Variants in PTTG1IP observed in about 807,000 individuals in gnomAD.
PTTG1IP encodes the protein PTTG1 interacting protein.
PTTG1IP carries 16 observed loss-of-function variants against 24.4 expected under a neutral mutation model. The ratio of observed to expected loss-of-function variants is 0.66; its 90% CI spans 0.44 to 1.00. The LOEUF (loss-of-function observed/expected upper bound fraction) is 1.00, where lower values mean the gene tolerates loss of function less well. PTTG1IP is among the 50% of genes least tolerant of loss of function. The pLI is 0.00. For synonymous variants in PTTG1IP, 89 were observed against 96.8 expected, an observed-to-expected ratio of 0.92 and a Z score of 0.47; for missense variants, 241 against 245.8, an observed-to-expected ratio of 0.98 and a Z score of 0.13.
At chr21:44,857,712 C>T (rs531335873) in intron 3 of PTTG1IP, among the ~76,000 whole-genome samples, 1 of 152,342 alleles carries the variant, frequency 6.6e-6, no homozygotes, top group African/African-American at 2.4e-5. Context: ...CTCCCGCAGC[C>T]TCACCCCTCT....
In PTTG1IP at chr21:44,873,646, A is replaced by T; in HGVS notation, c.-30T>A. 7.3e-7 allele frequency: 1 copy of T among 1,373,058 alleles called. No homozygotes were observed. Among genetic ancestry groups the T allele is most frequent in the Non-Finnish European group, 9.4e-7 (1 of 1,062,220 alleles). 85.1% of individuals were successfully genotyped at this position (1,373,058 alleles called of 1,614,324 possible). ...GGCCGGTCGCTCTATCAGTCAGTGG[A>T]GCGTTACAACTCCGACTCCAGCACA... On this transcript the variant is annotated 5_prime_UTR_variant, in exon 1 of 6. Coordinates refer to ENST00000330938, the MANE Select transcript of PTTG1IP (RefSeq NM_004339.4).
In PTTG1IP at chr21:44,849,727, A is replaced by G. The variant is rs1255380057; in HGVS notation, c.*1854T>C. 6.6e-6 allele frequency: 1 copy of G among 152,488 alleles called. No individual in the cohort carries two copies. Among genetic ancestry groups the G allele is most frequent in the African/African-American group, 2.4e-5 (1 of 41,444 alleles). 9.4% of individuals were successfully genotyped at this position (152,488 alleles called of 1,614,324 possible). A position where few individuals can be genotyped will look rare whatever the true frequency, so the allele number is the denominator to read the frequency against. ...GAAAAAAGCAGATGGACGAAGACCG[A>G]CCTTACAGACGTGGGTTTCTACACT... is the stretch of plus-strand genomic sequence containing the variant. On this transcript the variant is annotated 3_prime_UTR_variant, in exon 6 of 6. Coordinates refer to ENST00000330938, the MANE Select transcript of PTTG1IP (RefSeq NM_004339.4).
intron 3 of PTTG1IP, among the ~76,000 whole-genome samples, chr21:44,860,526 G>T: frequency 6.6e-6 from 1 of 152,118 alleles, no homozygotes; most frequent in Middle Eastern, 3.2e-3. Flanking sequence ...AGATTCTAGG[G>T]GAATTCACAG....
chr21:44,873,486 G>C lies in PTTG1IP; in HGVS notation c.115+16C>G. On this transcript the variant is annotated intron_variant, in intron 1 of 5. Transcript: ENST00000330938. ...CCCCGCCCCCTTCGCGGCCCCGCCC[G>C]CCCCGGCGCCCTCACCAGCTCCGGG... is the stretch of plus-strand genomic sequence containing the variant. 7.3e-7 allele frequency: 1 copy of C among 1,376,006 alleles called. No homozygotes were observed. Among genetic ancestry groups the C allele is most frequent in the Non-Finnish European group, 9.3e-7 (1 of 1,070,652 alleles). The allele number at this position is 1,376,006 out of a possible 1,614,324, so 85.2% of individuals were successfully genotyped here. A position where few individuals can be genotyped will look rare whatever the true frequency, so the allele number is the denominator to read the frequency against.
At chr21:44,865,773 G>A (rs971106991) in intron 1 of PTTG1IP, 24 of 436,570 alleles carry the variant, frequency 5.5e-5, no homozygotes, top group Non-Finnish European at 1.0e-4. Flanking sequence ...AGTGTGCCCT[G>A]TGGCTGTGTA....
chr21:44,861,163 C>T lies in PTTG1IP; in HGVS notation c.277G>A (p.Val93Met), dbSNP rs1176303433. ...GCAGCAAATGAAAACAATGACTTAC[C>T]CCAACAAACTCCCCAGCGTGCAGAG... is the stretch of plus-strand genomic sequence containing the variant. The part of the protein sequence containing the change: ...LSSARWGVCW[V>M]NFEALIITMS... Residue 93 changes from valine to methionine, a missense_variant and splice_region_variant, in exon 3 of 6, where the codon GTG (valine) becomes ATG (methionine). By Grantham distance (21) the Val-to-Met change is conservative. Coordinates refer to ENST00000330938, the MANE Select transcript of PTTG1IP (RefSeq NM_004339.4). 1 of 1,609,936 alleles carries T rather than the reference C, an allele frequency of 6.2e-7. No homozygotes were observed. The highest frequency in any genetic ancestry group is 1.3e-5 in the African/African-American group (1 of 74,768).
At chr21:44,859,651 G>A (rs2083475724) in intron 3 of PTTG1IP, among the ~76,000 whole-genome samples, 1 of 152,130 alleles carries the variant, frequency 6.6e-6, no homozygotes, top group African/African-American at 2.4e-5. Flanking sequence ...ATTAAGAGAA[G>A]TTCCATGGAA....
chr21:44,859,360 G>A (rs931904170), intron 3 of PTTG1IP, among the ~76,000 whole-genome samples: 5 of 151,962 alleles, frequency 3.3e-5, no homozygotes, highest in Non-Finnish European at 5.9e-5. Flanking sequence ...ACCTGTATAC[G>A]TATGCAAAAA....
chr21:44,861,558 C>A (rs2083491849), intron 2 of PTTG1IP, among the ~76,000 whole-genome samples: 2 of 152,182 alleles, frequency 1.3e-5, no homozygotes, highest in South Asian at 4.1e-4. Context: ...TCTGTGTTGG[C>A]AGCCTCCTGA....
Position 44,850,996 on chromosome 21 carries a change from T to C in PTTG1IP, c.*585A>G, listed in dbSNP as rs1321987371. The C allele has an allele frequency of 5.6e-6, 1 of 178,138 alleles. No homozygotes were observed. Among genetic ancestry groups the C allele is most frequent in the Non-Finnish European group, 1.2e-5 (1 of 85,880 alleles). 11.0% of individuals were successfully genotyped at this position (178,138 alleles called of 1,614,324 possible). ...AAAAGGTTTAGCTATTCCCCAATGC[T>C]ATTTAATACAATTGAGGTTAGGACG... On this transcript the variant is annotated 3_prime_UTR_variant, in exon 6 of 6. Transcript: ENST00000330938.
intron 3 of PTTG1IP, 66 bp downstream of exon 3, chr21:44,861,097 C>G (rs118037524): frequency 1.4e-6 from 2 of 1,428,260 alleles, no homozygotes; most frequent in Admixed American, 1.8e-5. Flanking sequence ...CCACCGCGCC[C>G]GGCCCATACT....
chr21:44,851,199 G>A lies in PTTG1IP; in HGVS notation c.*382C>T. 1 of 847,878 alleles carries A rather than the reference G, an allele frequency of 1.2e-6. No homozygotes were observed. The highest frequency in any genetic ancestry group is 1.8e-6 in the Non-Finnish European group (1 of 570,176). The allele number at this position is 847,878 out of a possible 1,614,324, so 52.5% of individuals were successfully genotyped here. On this transcript the variant is annotated 3_prime_UTR_variant, in exon 6 of 6. Coordinates refer to ENST00000330938, the MANE Select transcript of PTTG1IP (RefSeq NM_004339.4). ...TCAAACCGACTTCCCTGTGTTGCGTGTGAAGCTTGTTAGTGGACAGAGAGA... is the reference window on the plus strand; with the variant it reads ...TCAAACCGACTTCCCTGTGTTGCGTATGAAGCTTGTTAGTGGACAGAGAGA...
intron 2 of PTTG1IP, chr21:44,861,660 G>T: frequency 1.4e-6 from 1 of 711,276 alleles, no homozygotes; most frequent in South Asian, 1.5e-5. Context: ...GCTCCCCACT[G>T]ACTGGATGGG....
rs1446375315 is a variant in PTTG1IP at position 44,850,192 on chromosome 21, G to C, written c.*1389C>G. 1 of 152,230 alleles carries C rather than the reference G, an allele frequency of 6.6e-6. No individual in the cohort carries two copies. Among genetic ancestry groups the C allele is most frequent in the Non-Finnish European group, 1.5e-5 (1 of 68,046 alleles). 9.4% of individuals were successfully genotyped at this position (152,230 alleles called of 1,614,324 possible). A position where few individuals can be genotyped will look rare whatever the true frequency, so the allele number is the denominator to read the frequency against. On this transcript the variant is annotated 3_prime_UTR_variant, in exon 6 of 6. Transcript: ENST00000330938. ...TCTTCTCAGTTTTCATGACTGTGAA[G>C]TGTGAAAATGGAACGCATCCTTGAT...
At chr21:44,867,290 A>C (rs2083549691) in intron 1 of PTTG1IP, among the ~76,000 whole-genome samples, 1 of 152,232 alleles carries the variant, frequency 6.6e-6, no homozygotes, top group Non-Finnish European at 1.5e-5. Context: ...TCTATGTAAA[A>C]CATGGATGAG....
At chr21:44,866,551 C>A (rs1266384778) in intron 1 of PTTG1IP, among the ~76,000 whole-genome samples, 1 of 135,984 alleles carries the variant, frequency 7.4e-6, no homozygotes, top group Admixed American at 7.5e-5. Context: ...TCCCCCAATC[C>A]CGTAACACAC....
rs1428953245 is a variant in PTTG1IP, at chr21:44,850,153, C to CA, written c.*1427dup. 6.6e-6 allele frequency: 1 copy of CA among 152,224 alleles called. No homozygotes were observed. The highest frequency in any genetic ancestry group is 1.5e-5 in the Non-Finnish European group (1 of 68,044). The allele number at this position is 152,224 out of a possible 1,614,324, so 9.4% of individuals were successfully genotyped here. On this transcript the variant is annotated 3_prime_UTR_variant, in exon 6 of 6. Coordinates refer to ENST00000330938, the MANE Select transcript of PTTG1IP (RefSeq NM_004339.4). The stretch of plus-strand genomic sequence containing the variant: ...AGTGATCTGCCTGTGAACTTTAGTT[C>CA]ACGCTGAAGACAGTCTTCTCAGTTT...
In PTTG1IP at chr21:44,849,771, C is replaced by T. The variant is rs894991259; in HGVS notation, c.*1810G>A. 1.3e-5 allele frequency: 2 copies of T among 152,374 alleles called. No homozygotes were observed. The highest frequency in any genetic ancestry group is 6.5e-5 in the Admixed American group (1 of 15,282). The allele number at this position is 152,374 out of a possible 1,614,324, so 9.4% of individuals were successfully genotyped here. Reference sequence around the variant, plus strand: ...CTACACTGAGCGCAAGGGCTGACTACGCTGTATTTCACAACCGAGCCCTAG... The same window carrying T: ...CTACACTGAGCGCAAGGGCTGACTATGCTGTATTTCACAACCGAGCCCTAG... On this transcript the variant is annotated 3_prime_UTR_variant, in exon 6 of 6. Coordinates refer to ENST00000330938, the MANE Select transcript of PTTG1IP (RefSeq NM_004339.4).
intron 3 of PTTG1IP, among the ~76,000 whole-genome samples, chr21:44,860,235 G>A (rs2083479878): frequency 6.6e-6 from 1 of 152,128 alleles, no homozygotes; most frequent in South Asian, 2.1e-4. Context: ...CGGACGTGGT[G>A]GCGGGCACCT....
Sources: allele counts gnomAD v4.1 joint callset (sites outside exome capture counted in the v4.1 genomes callset), GRCh38; gene constraint gnomAD v4.1.1; transcripts MANE v1.5; gene names NCBI Gene and HGNC (gene_info 2026-07-23, HGNC 2026-07-21).